The following BMPER variants were observed in gnomAD, a reference collection of about 807,000 sequenced individuals.
BMPER encodes BMP binding endothelial regulator, also known as BMP-binding endothelial regulator protein.
BMPER carries 45 observed loss-of-function variants against 87.3 expected under a neutral mutation model. That is an observed-to-expected ratio of 0.52 (90% CI 0.41 to 0.66). The LOEUF is 0.66. BMPER is among the 30% of genes least tolerant of loss of function. BMPER has a pLI of 0.00. For missense variants in BMPER, 784 were observed against 867.5 expected (o/e 0.90, Z 1.21); for synonymous variants, 326 against 316.2 (o/e 1.03, Z -0.33).
chr7:34,062,266 A>T (rs576801222), intron 11 of BMPER, among the ~76,000 whole-genome samples: 1 of 152,334 alleles, frequency 6.6e-6, no homozygotes, highest in East Asian at 1.9e-4. Flanking sequence ...ATTTGTTGCT[A>T]TGAGAAATTA....
Position 33,957,709 on chromosome 7 carries a change from G to T in BMPER, c.320-8770G>T, listed in dbSNP as rs376019116. Among the ~76,000 whole-genome samples the T allele has an allele frequency of 3.9e-5, 6 of 152,266 alleles. No individual in the cohort carries two copies. The East Asian group carries it at 9.7e-4, about 25-fold the overall frequency. On this transcript the variant is annotated intron_variant, in intron 3 of 14. Transcript: ENST00000649409. ...ACAAGAGTTAACACTGGAGGAGGTT[G>T]AGCAAAGGGTGCATGGAACCTACCT... is the stretch of plus-strand genomic sequence containing the variant.
chr7:33,983,683 C>A (rs1416707876), intron 6 of BMPER, among the ~76,000 whole-genome samples: 1 of 152,104 alleles, frequency 6.6e-6, no homozygotes, highest in African/African-American at 2.4e-5. Context: ...CTGATTATAA[C>A]GCTACATGCC....
intron 2 of BMPER, among the ~76,000 whole-genome samples, chr7:33,925,426 T>A (rs913783785): frequency 3.9e-5 from 6 of 152,222 alleles, no homozygotes; most frequent in Admixed American, 1.3e-4. Context: ...CAATGAACAC[T>A]AATGTAATCA....
rs1784315656 is a variant in BMPER at position 33,924,566 on chromosome 7, C to A, written c.220-12723C>A. ...CACTGGAGCTTTGCTCTTTCCAGTG[C>A]CTGGAGCACACATATCCAATATATT... On this transcript the variant is annotated intron_variant, in intron 2 of 14. Coordinates refer to ENST00000649409, the MANE Select transcript of BMPER (RefSeq NM_001365308.1). Among the ~76,000 whole-genome samples, 3 of 152,360 alleles carry A rather than the reference C, an allele frequency of 2.0e-5. No individual in the cohort carries two copies. The South Asian group carries it at 6.2e-4, about 32-fold the overall frequency.
intron 3 of BMPER, among the ~76,000 whole-genome samples, chr7:33,952,878 C>T (rs1308415843): frequency 2.0e-5 from 3 of 152,182 alleles, no homozygotes; most frequent in Non-Finnish European, 4.4e-5. Context: ...TGATGTTTAA[C>T]AAGACTAATA....
chr7:34,015,900 T>C (rs1352961158), intron 6 of BMPER, among the ~76,000 whole-genome samples: 1 of 151,842 alleles, frequency 6.6e-6, no homozygotes. Context: ...TTTAGGAGCC[T>C]GTAGAGTAGC....
At chr7:34,007,348 C>T (rs1007616884) in intron 6 of BMPER, among the ~76,000 whole-genome samples, 4 of 152,016 alleles carry the variant, frequency 2.6e-5, no homozygotes, top group African/African-American at 7.2e-5. Context: ...AGGGATTTCA[C>T]ATGCACATGT....
chr7:33,943,339 A>G (rs1267887534), intron 3 of BMPER, among the ~76,000 whole-genome samples: 1 of 152,206 alleles, frequency 6.6e-6, no homozygotes, highest in Non-Finnish European at 1.5e-5. Context: ...AACATCAAAA[A>G]ACAAAAAACC....
chr7:33,966,641 C>A, intron 4 of BMPER, 80 bp downstream of exon 4: 7 of 1,375,954 alleles, frequency 5.1e-6, no homozygotes, highest in Non-Finnish European at 5.1e-6. Context: ...CAACATAGAA[C>A]AAAACCCTAA....
intron 13 of BMPER, among the ~76,000 whole-genome samples, chr7:34,107,417 G>C (rs1385758860): frequency 6.6e-6 from 1 of 152,156 alleles, no homozygotes; most frequent in African/African-American, 2.4e-5. Context: ...CTGGACATTA[G>C]AATGCTAATT....
intron 6 of BMPER, among the ~76,000 whole-genome samples, chr7:34,042,396 T>G (rs1438535663): frequency 6.6e-6 from 1 of 152,202 alleles, no homozygotes; most frequent in African/African-American, 2.4e-5. Context: ...TCATTTGTCC[T>G]TATGTATTTT....
intron 13 of BMPER, among the ~76,000 whole-genome samples, chr7:34,134,082 C>T (rs941089763): frequency 5.3e-5 from 8 of 152,180 alleles, no homozygotes; most frequent in Non-Finnish European, 1.0e-4. Context: ...TGGCCCATCT[C>T]GCCCTGCCCT....
At chr7:34,028,664 G>A (rs773071343) in intron 6 of BMPER, among the ~76,000 whole-genome samples, 3 of 40,388 alleles carry the variant, frequency 7.4e-5, no homozygotes, top group Non-Finnish European at 9.9e-5. Flanking sequence ...TGGTTTCTTC[G>A]TATTTGTCCA....
At chr7:34,136,873 AAGAAGC>A in intron 13 of BMPER, among the ~76,000 whole-genome samples, 1 of 152,298 alleles carries the variant, frequency 6.6e-6, no homozygotes, top group African/African-American at 2.4e-5. Context: ...TCTGTTCTCC[AAGAAGC>A]AGTGTGGAGG....
chr7:34,134,728 G>A (rs1790678198), intron 13 of BMPER, among the ~76,000 whole-genome samples: 1 of 152,056 alleles, frequency 6.6e-6, no homozygotes, highest in Admixed American at 6.6e-5. Flanking sequence ...TTTAACTGTG[G>A]GCATGAAGAT....
intron 6 of BMPER, among the ~76,000 whole-genome samples, chr7:33,983,201 G>A (rs772641984): frequency 9.9e-5 from 15 of 152,126 alleles, no homozygotes; most frequent in South Asian, 2.1e-4. Flanking sequence ...TTAAATGTTT[G>A]CAGGACAAAT....
At chr7:34,000,347 T>A (rs1786546989) in intron 6 of BMPER, among the ~76,000 whole-genome samples, 1 of 152,084 alleles carries the variant, frequency 6.6e-6, no homozygotes, top group Non-Finnish European at 1.5e-5. Flanking sequence ...AGAGACTGGA[T>A]CTTGGATTGA....
intron 13 of BMPER, among the ~76,000 whole-genome samples, chr7:34,106,704 T>C (rs1036420298): frequency 2.6e-5 from 4 of 152,222 alleles, no homozygotes; most frequent in Non-Finnish European, 5.9e-5. Flanking sequence ...CCCACCTTAC[T>C]GGCAAGACAA....
intron 6 of BMPER, among the ~76,000 whole-genome samples, chr7:33,981,441 T>C (rs1785856897): frequency 1.3e-5 from 2 of 152,212 alleles, no homozygotes; most frequent in Admixed American, 1.3e-4. Context: ...GGAAGCTTGT[T>C]CTGATTCCCA....
Sources: gnomAD v4.1 joint callset for allele counts (sites outside exome capture counted in the v4.1 genomes callset) on GRCh38, gnomAD v4.1.1 for gene constraint, MANE v1.5 for transcripts, NCBI Gene and HGNC (gene_info 2026-07-23, HGNC 2026-07-21) for gene names.